ARPC2: variants seen among roughly 807,000 people sequenced by gnomAD.
ARPC2 encodes actin-related protein 2/3 complex subunit 2.
ARPC2 carries 4 observed loss-of-function variants against 38.6 expected under a neutral mutation model. The ratio of observed to expected loss-of-function variants is 0.10; its 90% CI spans 0.05 to 0.24. The LOEUF is 0.24. Ranked by LOEUF, ARPC2 falls within the 10% of genes least tolerant of loss-of-function variation. The probability of loss-of-function intolerance (pLI) is 1.00; values close to 1 mark genes in which losing one functional copy is unlikely to be tolerated. For missense variants in ARPC2, 229 were observed against 387.3 expected, an observed-to-expected ratio of 0.59 and a Z score of 3.43; for synonymous variants, 125 against 140.8, an observed-to-expected ratio of 0.89 and a Z score of 0.79.
intron 4 of ARPC2, 63 bp from the exon 5 acceptor site, chr2:218,234,289 A>T: frequency 7.4e-7 from 1 of 1,348,648 alleles, no homozygotes; most frequent in African/African-American, 1.5e-5. Context: ...TACTTTAAAA[A>T]TAATGAAATT....
chr2:218,217,848 C>T (rs994756646), intron 2 of ARPC2, among the ~76,000 whole-genome samples: 25 of 152,196 alleles, frequency 1.6e-4, no homozygotes, highest in Admixed American at 1.3e-4. Flanking sequence ...CCGGAGTAGC[C>T]CCCTGCCCTC....
At chr2:218,239,059 A>G (rs760871544) in intron 6 of ARPC2, 19 of 568,568 alleles carry the variant, frequency 3.3e-5, no homozygotes, top group Non-Finnish European at 5.3e-5. Context: ...GATGGTGGAA[A>G]GAGAATCCAG....
chr2:218,220,327 T>A (rs905314056), intron 2 of ARPC2, among the ~76,000 whole-genome samples: 8 of 152,188 alleles, frequency 5.3e-5, no homozygotes, highest in African/African-American at 1.9e-4. Context: ...ATCTCTGTGA[T>A]GTCCAATAAG....
chr2:218,239,289 A>C, intron 6 of ARPC2, 102 bp from the exon 7 acceptor site: 1 of 799,766 alleles, frequency 1.3e-6, no homozygotes, highest in Non-Finnish European at 2.1e-6. Flanking sequence ...TTATGATTTA[A>C]GAGATTTATG....
rs185803277 is a variant in ARPC2, at chr2:218,220,180, C to T, written c.74+2636C>T. Among the ~76,000 whole-genome samples, 4 of 152,216 alleles carry T rather than the reference C, an allele frequency of 2.6e-5. No individual in the cohort carries two copies. In the East Asian group the frequency reaches 7.7e-4, roughly 29 times the overall value. ...TAAAGGGAGTAGTTTGGAGGAGAAA[C>T]CCTGGAGATTTGAAAGGCTTTGCTG... On this transcript the variant is annotated intron_variant, in intron 2 of 10. Transcript: ENST00000315717.
intron 10 of ARPC2, among the ~76,000 whole-genome samples, chr2:218,252,444 C>A (rs964939518): frequency 1.3e-5 from 2 of 152,190 alleles, no homozygotes; most frequent in Non-Finnish European, 2.9e-5. Flanking sequence ...AGTCTCCATC[C>A]TGGTGTCTAC....
intron 2 of ARPC2, among the ~76,000 whole-genome samples, chr2:218,225,627 A>T (rs1464161656): frequency 5.3e-5 from 8 of 152,242 alleles, no homozygotes; most frequent in Non-Finnish European, 1.0e-4. Context: ...TTGTTAGGAA[A>T]TTCAGAATTG....
intron 5 of ARPC2, 181 bp downstream of exon 5, chr2:218,234,578 A>G (rs1689723029): frequency 3.4e-6 from 2 of 594,630 alleles, no homozygotes; most frequent in Non-Finnish European, 5.9e-6. Context: ...TTTGTCCAAT[A>G]TGGAACACAG....
chr2:218,225,844 G>A, intron 2 of ARPC2, 76 bp from the exon 3 acceptor site: 1 of 1,402,096 alleles, frequency 7.1e-7, no homozygotes, highest in Non-Finnish European at 1.0e-6. Context: ...GTGAAGCTCA[G>A]GTGCCTTTCC....
intron 7 of ARPC2, 61 bp downstream of exon 7, chr2:218,239,545 C>A: frequency 1.5e-6 from 2 of 1,328,694 alleles, no homozygotes; most frequent in Non-Finnish European, 1.1e-6. Context: ...TGCACCCAAA[C>A]ATACCATGAG....
intron 8 of ARPC2, among the ~76,000 whole-genome samples, chr2:218,246,595 C>T (rs1690038228): frequency 6.6e-6 from 1 of 152,040 alleles, no homozygotes; most frequent in Non-Finnish European, 1.5e-5. Flanking sequence ...AATCCCAGCA[C>T]TTTGGGAGTC....
intron 8 of ARPC2, among the ~76,000 whole-genome samples, chr2:218,247,749 C>G (rs1256081039): frequency 1.3e-5 from 2 of 152,120 alleles, no homozygotes; most frequent in East Asian, 3.9e-4. Flanking sequence ...CGAGACCATC[C>G]TGGCTAACAC....
rs963256398 is a variant in ARPC2, at chr2:218,217,606, A to G, written c.74+62A>G. 1.3e-5 allele frequency: 19 copies of G among 1,492,216 alleles called. No homozygotes were observed. In the East Asian group the frequency reaches 3.1e-4, roughly 25 times the overall value. 92.4% of individuals were successfully genotyped at this position (1,492,216 alleles called of 1,614,324 possible). A position where few individuals can be genotyped will look rare whatever the true frequency, so the allele number is the denominator to read the frequency against. On this transcript the variant is annotated intron_variant, in intron 2 of 10. Coordinates refer to ENST00000315717, the MANE Select transcript of ARPC2 (RefSeq NM_152862.3). ...GCAGAGTTGACCCCAGCTAATCCCCAATGTTGTCCAGTCCCCCAGACCTGG... is the reference window on the plus strand; with the variant it reads ...GCAGAGTTGACCCCAGCTAATCCCCGATGTTGTCCAGTCCCCCAGACCTGG...
At chr2:218,218,207 C>T (rs1340870365) in intron 2 of ARPC2, among the ~76,000 whole-genome samples, 4 of 152,212 alleles carry the variant, frequency 2.6e-5, no homozygotes, top group Non-Finnish European at 4.4e-5. Flanking sequence ...CTTATCTCTC[C>T]TTTGAGGTTC....
At chr2:218,219,942 C>T (rs932074930) in intron 2 of ARPC2, among the ~76,000 whole-genome samples, 3 of 152,152 alleles carry the variant, frequency 2.0e-5, no homozygotes, top group Admixed American at 1.3e-4. Flanking sequence ...TGTAAATTAT[C>T]AGACATTCCA....
At chr2:218,227,662 C>T (rs1226240409) in intron 3 of ARPC2, among the ~76,000 whole-genome samples, 1 of 151,836 alleles carries the variant, frequency 6.6e-6, no homozygotes, top group African/African-American at 2.4e-5. Context: ...ATGATCTTGG[C>T]TCACTGCAAC....
At chr2:218,252,211 G>A (rs934679500) in intron 10 of ARPC2, among the ~76,000 whole-genome samples, 1 of 151,936 alleles carries the variant, frequency 6.6e-6, no homozygotes, top group Non-Finnish European at 1.5e-5. Context: ...CAACAAGAGC[G>A]AAACTCCATC....
At chr2:218,217,916 A>G (rs1689293149) in intron 2 of ARPC2, among the ~76,000 whole-genome samples, 1 of 152,224 alleles carries the variant, frequency 6.6e-6, no homozygotes, top group African/African-American at 2.4e-5. Flanking sequence ...TTCTGAACCC[A>G]GAGAGAGCCT....
rs1250157055 is a variant in ARPC2 at position 218,253,881 on chromosome 2, C to T, written c.879-10C>T. 1.2e-6 allele frequency: 2 copies of T among 1,613,858 alleles called. No individual in the cohort carries two copies. The highest frequency in any genetic ancestry group is 1.7e-6 in the Non-Finnish European group (2 of 1,179,954). On this transcript the variant is annotated splice_polypyrimidine_tract_variant and intron_variant, in intron 10 of 10. Coordinates refer to ENST00000315717, the MANE Select transcript of ARPC2 (RefSeq NM_152862.3). ...GAAACTGACCTTCGCACTTATCTCT[C>T]CTTTTGAAGGGGGAAGACGTTTTCA...
Sources: allele counts gnomAD v4.1 joint callset (sites outside exome capture counted in the v4.1 genomes callset), GRCh38; gene constraint gnomAD v4.1.1; transcripts MANE v1.5; gene names NCBI Gene and HGNC (gene_info 2026-07-23, HGNC 2026-07-21).